Variants in FUS observed in about 807,000 individuals in gnomAD.
FUS encodes FUS RNA binding protein.
Under a neutral mutation model 82.7 loss-of-function variants are expected in FUS, and 5 were observed. The observed-to-expected ratio is 0.06, with a 90% CI of 0.03 to 0.13. The LOEUF (loss-of-function observed/expected upper bound fraction) is 0.13, where lower values mean the gene tolerates loss of function less well. FUS is among the 10% of genes least tolerant of loss of function. FUS has a pLI of 1.00. For synonymous variants in FUS, 281 were observed against 247.4 expected, an observed-to-expected ratio of 1.14 and a Z score of -1.27; for missense variants, 512 against 707.8, an observed-to-expected ratio of 0.72 and a Z score of 3.14.
chr16:31,180,663 C>T (rs1174790362), intron 1 of FUS, among the ~76,000 whole-genome samples: 2 of 152,180 alleles, frequency 1.3e-5, no homozygotes, highest in African/African-American at 2.4e-5. Flanking sequence ...CCTTCCCCGC[C>T]TCGTGTTGGT....
chr16:31,192,665 A>T (rs992564461), downstream of FUS: 1 of 482,176 alleles, frequency 2.1e-6, no homozygotes, highest in Non-Finnish European at 4.1e-6. Context: ...AGTTTAAGCG[A>T]TTCTCCTGCC....
At chr16:31,189,607 A>T (rs780041820) in intron 9 of FUS, 58 bp from the exon 10 acceptor site, 293 of 1,611,934 alleles carry the variant, frequency 1.8e-4, no homozygotes, top group Non-Finnish European at 2.4e-4. Context: ...GAGGAAGAAG[A>T]TGGAAAGGGA....
At chr16:31,194,714 A>T (rs1313707712), downstream of FUS, 1 of 486,206 alleles carries the variant, frequency 2.1e-6, no homozygotes, top group Non-Finnish European at 4.1e-6. Flanking sequence ...CCATCACTTC[A>T]TATCATTAGC....
intron 3 of FUS, chr16:31,183,654 C>G: frequency 3.2e-6 from 2 of 618,006 alleles, no homozygotes; most frequent in South Asian, 1.8e-5. Context: ...GAAATTGGAA[C>G]TGTACTAAAG....
At chr16:31,187,466 C>T (rs2079287795) in intron 7 of FUS, 2 of 229,608 alleles carry the variant, frequency 8.7e-6, no homozygotes, top group South Asian at 3.6e-4. Context: ...TCTTAAACAG[C>T]ACAAACTGAA....
chr16:31,193,486 C>G (rs755339946), downstream of FUS: 12 of 528,552 alleles, frequency 2.3e-5, no homozygotes, highest in Non-Finnish European at 4.0e-5. Context: ...TCTAATCTTG[C>G]TTTGGTTGTG....
Position 31,185,185 on chromosome 16 carries a change from T to C in FUS, c.764+6T>C. ...GGAGGCAGAGGTGGCATGGGGTAGG[T>C]GTCTCATGAGCCAGGGAGTATCTTT... On this transcript the variant is annotated splice_donor_region_variant and intron_variant, in intron 6 of 14. Coordinates refer to ENST00000254108, the MANE Select transcript of FUS (RefSeq NM_004960.4). 1 of 1,605,190 alleles carries C rather than the reference T, an allele frequency of 6.2e-7. No homozygotes were observed. Among genetic ancestry groups the C allele is most frequent in the Non-Finnish European group, 8.5e-7 (1 of 1,175,350 alleles).
intron 14 of FUS, 136 bp from the exon 15 acceptor site, chr16:31,191,263 G>T: frequency 6.2e-6 from 9 of 1,461,810 alleles, no homozygotes; most frequent in South Asian, 3.5e-5. Flanking sequence ...ATTAACTCAG[G>T]GGGAGTGAAT....
At chr16:31,186,257 AT>A in intron 6 of FUS, 1 of 263,038 alleles carries the variant, frequency 3.8e-6, no homozygotes, top group Non-Finnish European at 7.4e-6. Context: ...GTTGGGGGAG[AT>A]CAAAAACAGC....
intron 7 of FUS, chr16:31,187,674 G>A (rs983934385): frequency 3.0e-5 from 7 of 233,198 alleles, no homozygotes; most frequent in East Asian, 1.8e-4. Flanking sequence ...TATATATGGC[G>A]AATTCAGATA....
chr16:31,191,653 G>A (rs758794747), downstream of FUS: 14 of 703,038 alleles, frequency 2.0e-5, no homozygotes, highest in Non-Finnish European at 3.4e-5. Flanking sequence ...TCGATGTCCC[G>A]ATCAGGAAGG....
intron 11 of FUS, 63 bp from the exon 12 acceptor site, chr16:31,190,212 G>GA: frequency 1.9e-6 from 3 of 1,613,964 alleles, no homozygotes; most frequent in Non-Finnish European, 2.5e-6. Context: ...GGCTTGCATG[G>GA]AATGGGTTAG....
At chr16:31,194,751 T>C (rs957421424), downstream of FUS, 4 of 483,450 alleles carry the variant, frequency 8.3e-6, no homozygotes, top group Admixed American at 2.3e-5. Flanking sequence ...AAAGCCACTC[T>C]TAGAAAATTT....
At chr16:31,180,574 C>T (rs985276287) in intron 1 of FUS, among the ~76,000 whole-genome samples, 3 of 152,242 alleles carry the variant, frequency 2.0e-5, no homozygotes, top group African/African-American at 7.2e-5. Context: ...CTCGAGCCCG[C>T]TTTGTCGCAG....
upstream of FUS, chr16:31,180,133 G>T: frequency 6.4e-7 from 1 of 1,563,260 alleles, no homozygotes; most frequent in East Asian, 2.3e-5. Context: ...CGCAGGAGGC[G>T]GGGCTGCTCA....
In FUS at chr16:31,188,954, A is replaced by G. The variant is rs184189431; in HGVS notation, c.833-169A>G. On this transcript the variant is annotated intron_variant, in intron 8 of 14. Transcript: ENST00000254108. ...AATTGTCAAACTGAATCTGAAATTTATCAGCATGGCTGGCATATAGGGACT... is the reference window on the plus strand; with the variant it reads ...AATTGTCAAACTGAATCTGAAATTTGTCAGCATGGCTGGCATATAGGGACT... 54 of 643,564 alleles carry G rather than the reference A, an allele frequency of 8.4e-5. No individual in the cohort carries two copies. In the Admixed American group the frequency reaches 1.4e-3, roughly 16 times the overall value. The allele number at this position is 643,564 out of a possible 1,614,324, so 39.9% of individuals were successfully genotyped here. A position where few individuals can be genotyped will look rare whatever the true frequency, so the allele number is the denominator to read the frequency against.
In FUS at chr16:31,189,104, T is replaced by C. The variant is rs904541601; in HGVS notation, c.833-19T>C. On this transcript the variant is annotated intron_variant, in intron 8 of 14. Coordinates refer to ENST00000254108, the MANE Select transcript of FUS (RefSeq NM_004960.4). ...TATTTTACCTTTTCACATTTGCATT[T>C]TCTCTGTTCAACAAGCAGAACAGGA... 6.3e-7 allele frequency: 1 copy of C among 1,586,272 alleles called. No individual in the cohort carries two copies. Among genetic ancestry groups the C allele is most frequent in the Non-Finnish European group, 8.7e-7 (1 of 1,154,660 alleles).
chr16:31,186,593 A>G (rs567822553), intron 6 of FUS: 1 of 612,334 alleles, frequency 1.6e-6, no homozygotes, highest in South Asian at 2.0e-5. Flanking sequence ...CAAAATCTTT[A>G]TAAACTGTGT....
At chr16:31,186,083 CAA>C in intron 6 of FUS, 1 of 236,314 alleles carries the variant, frequency 4.2e-6, no homozygotes, top group Non-Finnish European at 8.4e-6. Flanking sequence ...ATGAGGAAAA[CAA>C]AAATGAGGAA....
Sources: allele counts gnomAD v4.1 joint callset (sites outside exome capture counted in the v4.1 genomes callset), GRCh38; gene constraint gnomAD v4.1.1; transcripts MANE v1.5; gene names NCBI Gene and HGNC (gene_info 2026-07-23, HGNC 2026-07-21).